The following SH3BP5 variants were observed in gnomAD, a reference collection of about 807,000 sequenced individuals.
The protein encoded by SH3BP5 is SH3 domain-binding protein 5.
Under a neutral mutation model 43.3 loss-of-function variants are expected in SH3BP5, and 22 were observed. That is an observed-to-expected ratio of 0.51 (90% confidence interval 0.36 to 0.73). The LOEUF is 0.73. SH3BP5 is among the 30% of genes least tolerant of loss of function. The pLI is 0.00. For synonymous variants in SH3BP5, 255 were observed against 225.8 expected, an observed-to-expected ratio of 1.13 and a Z score of -1.16; for missense variants, 529 against 586.9, an observed-to-expected ratio of 0.90 and a Z score of 1.02.
At chr3:15,301,345 G>A (rs1289156570) in intron 3 of SH3BP5, among the ~76,000 whole-genome samples, 1 of 152,106 alleles carries the variant, frequency 6.6e-6, no homozygotes, top group Non-Finnish European at 1.5e-5. Context: ...TCTGTTGGTG[G>A]CTCCCCAACA....
At chr3:15,330,876 C>G (rs959329733) in intron 1 of SH3BP5, 6 of 297,324 alleles carry the variant, frequency 2.0e-5, no homozygotes, top group Non-Finnish European at 2.5e-5. Flanking sequence ...GTTTAATGGC[C>G]TAATCAAAAC....
chr3:15,289,325 C>A (rs1278222889), intron 3 of SH3BP5, among the ~76,000 whole-genome samples: 1 of 152,210 alleles, frequency 6.6e-6, no homozygotes, highest in Non-Finnish European at 1.5e-5. Flanking sequence ...CTGGGACTCC[C>A]AAGTAGACTC....
intron 1 of SH3BP5, among the ~76,000 whole-genome samples, chr3:15,340,294 A>C (rs1201810586): frequency 6.6e-6 from 1 of 152,228 alleles, no homozygotes; most frequent in Non-Finnish European, 1.5e-5. Flanking sequence ...AATGTTAAGA[A>C]ATTTTTCTTG....
At chr3:15,325,641 A>T (rs1698441098) in intron 2 of SH3BP5, among the ~76,000 whole-genome samples, 1 of 152,190 alleles carries the variant, frequency 6.6e-6, no homozygotes, top group African/African-American at 2.4e-5. Context: ...AAAAGCAGGG[A>T]CTTCTGTCCA....
intron 1 of SH3BP5, among the ~76,000 whole-genome samples, chr3:15,340,939 C>G (rs1698758280): frequency 6.6e-6 from 1 of 151,922 alleles, no homozygotes; most frequent in African/African-American, 2.4e-5. Flanking sequence ...GTAATCCCAG[C>G]TATTCGGGAG....
chr3:15,295,440 T>C (rs1697541847), intron 3 of SH3BP5, among the ~76,000 whole-genome samples: 1 of 152,196 alleles, frequency 6.6e-6, no homozygotes, highest in South Asian at 2.1e-4. Flanking sequence ...CTCGGTCCTT[T>C]TAGTGCTGTG....
At chr3:15,328,313 C>T (rs1698515447) in intron 2 of SH3BP5, among the ~76,000 whole-genome samples, 1 of 152,082 alleles carries the variant, frequency 6.6e-6, no homozygotes, top group Admixed American at 6.5e-5. Context: ...CAATTTCACC[C>T]CAAGAAAGTA....
At chr3:15,285,823 C>A (rs1697251911) in intron 3 of SH3BP5, among the ~76,000 whole-genome samples, 1 of 152,218 alleles carries the variant, frequency 6.6e-6, no homozygotes, top group African/African-American at 2.4e-5. Context: ...TTGCCTGGTA[C>A]ACTTAAACAC....
chr3:15,300,502 GGGGGC>G (rs201018481), intron 3 of SH3BP5, among the ~76,000 whole-genome samples: 211 of 57,400 alleles, frequency 3.7e-3, no homozygotes, highest in South Asian at 0.035. Context: ...AAAAGGAAGC[GGGGGC>G]GGGGGGACAA....
At chr3:15,278,573 CT>C (rs1697035438) in intron 3 of SH3BP5, among the ~76,000 whole-genome samples, 2 of 152,200 alleles carry the variant, frequency 1.3e-5, no homozygotes, top group South Asian at 4.1e-4. Flanking sequence ...CGTTTCACCC[CT>C]GAGGATGTCT....
chr3:15,324,179 G>A (rs7621044), intron 2 of SH3BP5, among the ~76,000 whole-genome samples: 11,176 of 152,142 alleles, frequency 0.073, 573 homozygotes, highest in Non-Finnish European at 0.11. Flanking sequence ...TGTCTGTACC[G>A]TCAGCTCTCT....
chr3:15,276,246 G>A (rs1696963611), intron 3 of SH3BP5, among the ~76,000 whole-genome samples: 2 of 152,082 alleles, frequency 1.3e-5, no homozygotes, highest in South Asian at 4.1e-4. Context: ...GGAGGAACAA[G>A]AGCATCTGCA....
At chr3:15,268,092 G>A (rs1299622618) in intron 4 of SH3BP5, among the ~76,000 whole-genome samples, 3 of 152,212 alleles carry the variant, frequency 2.0e-5, no homozygotes, top group African/African-American at 4.8e-5. Flanking sequence ...TCTAGCCCAC[G>A]TCTAGCTCTG....
rs540970543 is a variant in SH3BP5 at position 15,265,079 on chromosome 3, A to C, written c.496-2790T>G. Among the ~76,000 whole-genome samples the C allele has an allele frequency of 2.2e-4, 34 of 152,040 alleles. No homozygotes were observed. The South Asian group carries it at 6.8e-3, about 31-fold the overall frequency. On this transcript the variant is annotated intron_variant, in intron 4 of 8. Coordinates refer to ENST00000383791, the MANE Select transcript of SH3BP5 (RefSeq NM_004844.5). The stretch of plus-strand genomic sequence containing the variant: ...AAGCACAGGCTTTCTACAATAAAAC[A>C]CTTGGAAAGCTCCGAGCCCATGGCA...
intron 6 of SH3BP5, 172 bp downstream of exon 6, chr3:15,259,589 A>T (rs1696355943): frequency 1.3e-6 from 1 of 745,092 alleles, no homozygotes; most frequent in Non-Finnish European, 2.5e-6. Flanking sequence ...AGAGGTTCAG[A>T]GACCACTGAA....
At chr3:15,277,318 C>T (rs948644061) in intron 3 of SH3BP5, among the ~76,000 whole-genome samples, 1 of 152,168 alleles carries the variant, frequency 6.6e-6, no homozygotes, top group Non-Finnish European at 1.5e-5. Context: ...CTGCAAACTC[C>T]TGACAAAGAA....
In SH3BP5 at chr3:15,313,891, C is replaced by G. The variant is rs150628391; in HGVS notation, c.202-9660G>C. Among the ~76,000 whole-genome samples the G allele has an allele frequency of 2.7e-3, 412 of 152,144 alleles. 2 individuals carry two copies. Among genetic ancestry groups the G allele is most frequent in the African/African-American group, 9.5e-3 (396 of 41,524 alleles). ...CCACGGTGGGAGGATCTCCTGAGTT[C>G]AAGAGTTTGAGACCAGGCTGGGCAA... is the stretch of plus-strand genomic sequence containing the variant. On this transcript the variant is annotated intron_variant, in intron 2 of 8. Coordinates refer to ENST00000383791, the MANE Select transcript of SH3BP5 (RefSeq NM_004844.5).
chr3:15,332,242 C>A lies in SH3BP5; in HGVS notation c.138+29G>T, dbSNP rs80304164. 7,597 of 1,551,022 alleles carry A rather than the reference C, an allele frequency of 4.9e-3. 309 individuals carry two copies. The African/African-American group carries it at 0.086, about 18-fold the overall frequency. On this transcript the variant is annotated intron_variant, in intron 1 of 8. Coordinates refer to ENST00000383791, the MANE Select transcript of SH3BP5 (RefSeq NM_004844.5). ...CCTCCGTAGCAGCCCTCGCGAAGCC[C>A]GGATGCGGGGCGACCCCGCGCGCCC...
intron 3 of SH3BP5, among the ~76,000 whole-genome samples, chr3:15,274,271 G>A (rs1247904861): frequency 6.6e-6 from 1 of 151,776 alleles, no homozygotes; most frequent in African/African-American, 2.4e-5. Context: ...AAGAAAGAAA[G>A]AAAGAAATAC....
Sources: gnomAD v4.1 joint callset for allele counts (sites outside exome capture counted in the v4.1 genomes callset) on GRCh38, gnomAD v4.1.1 for gene constraint, MANE v1.5 for transcripts, NCBI Gene and HGNC (gene_info 2026-07-23, HGNC 2026-07-21) for gene names.